The following FAM178B variants were observed in gnomAD, a reference collection of about 807,000 sequenced individuals.
The protein encoded by FAM178B is family with sequence similarity 178 member B, also known as protein FAM178B.
FAM178B carries 82 observed loss-of-function variants against 91.7 expected under a neutral mutation model. The observed-to-expected ratio is 0.89, with a 90% CI of 0.75 to 1.07. The LOEUF (loss-of-function observed/expected upper bound fraction) is 1.07, where lower values mean the gene tolerates loss of function less well. Among genes scored for constraint, FAM178B ranks in the 50% least tolerant of loss-of-function variants. FAM178B has a pLI of 0.00. For missense variants in FAM178B, 769 were observed against 846.7 expected, an observed-to-expected ratio of 0.91 and a Z score of 1.14; for synonymous variants, 368 against 359.4, an observed-to-expected ratio of 1.02 and a Z score of -0.27.
In FAM178B at chr2:96,947,909, G is replaced by A. The variant is rs1381846032; in HGVS notation, c.994-7C>T. 6.6e-7 allele frequency: 1 copy of A among 1,508,048 alleles called. No homozygotes were observed. The highest frequency in any genetic ancestry group is 1.4e-5 in the African/African-American group (1 of 69,030). The allele number at this position is 1,508,048 out of a possible 1,614,324, so 93.4% of individuals were successfully genotyped here. On this transcript the variant is annotated splice_polypyrimidine_tract_variant and splice_region_variant and intron_variant, in intron 7 of 16. Coordinates refer to ENST00000490605, the MANE Select transcript of FAM178B (RefSeq NM_001122646.3). Reference sequence around the variant, plus strand: ...CTGGAGGCCATGTCAGCAGCTAGGTGGAAAAAAAAAACAAAAACAAAAACC... The same window carrying A: ...CTGGAGGCCATGTCAGCAGCTAGGTAGAAAAAAAAAACAAAAACAAAAACC...
intron 5 of FAM178B, among the ~76,000 whole-genome samples, chr2:96,960,986 C>T (rs1373387567): frequency 6.6e-6 from 1 of 152,124 alleles, no homozygotes; most frequent in Non-Finnish European, 1.5e-5. Flanking sequence ...GCCTGATTCT[C>T]TCTCAGGGCC....
rs772596939 is a variant in FAM178B at position 96,960,432 on chromosome 2, A to G, written c.743T>C (p.Val248Ala). The G allele has an allele frequency of 1.3e-6, 2 of 1,542,438 alleles. No individual in the cohort carries two copies. Among genetic ancestry groups the G allele is most frequent in the African/African-American group, 2.7e-5 (2 of 72,834 alleles). Residue 248 changes from valine to alanine, a missense_variant, in exon 6 of 17, where the codon GTG becomes GCG. By Grantham distance (64) the Val-to-Ala change is moderately conservative (BLOSUM62 0). Coordinates refer to ENST00000490605, the MANE Select transcript of FAM178B (RefSeq NM_001122646.3). Reference sequence around the variant, plus strand: ...CTGCAGGGACACTGAGTACTTTTCCACCAGCATCCTGGCAAGGCAAGGGGC... The same window carrying G: ...CTGCAGGGACACTGAGTACTTTTCCGCCAGCATCCTGGCAAGGCAAGGGGC... ...VPLTPEHRMLVEKYSVSLQTI... is the reference protein window; with the variant it reads ...VPLTPEHRMLAEKYSVSLQTI...
intron 14 of FAM178B, among the ~76,000 whole-genome samples, chr2:96,891,815 C>T (rs1464113063): frequency 6.6e-6 from 1 of 152,188 alleles, no homozygotes; most frequent in Admixed American, 6.5e-5. Context: ...ATCTCCCAGA[C>T]AGGAGTGAGA....
chr2:96,920,434 C>T (rs980993724), intron 12 of FAM178B, among the ~76,000 whole-genome samples: 3 of 151,990 alleles, frequency 2.0e-5, no homozygotes, highest in African/African-American at 4.8e-5. Context: ...ACCCTGTCTC[C>T]ACTAAAAATA....
intron 8 of FAM178B, among the ~76,000 whole-genome samples, chr2:96,935,956 C>G (rs35836525): frequency 0.022 from 3,390 of 151,150 alleles, 59 homozygotes; most frequent in Non-Finnish European, 0.036. Flanking sequence ...ATCCATAGAA[C>G]TGCACAACAC....
chr2:96,934,581 C>A (rs778937146), intron 8 of FAM178B, among the ~76,000 whole-genome samples: 1 of 152,174 alleles, frequency 6.6e-6, no homozygotes, highest in African/African-American at 2.4e-5. Context: ...AAAACATGCA[C>A]ATTTTGTTGC....
chr2:96,950,874 TC>T (rs1315368310), intron 7 of FAM178B, among the ~76,000 whole-genome samples: 1 of 152,012 alleles, frequency 6.6e-6, no homozygotes, highest in Non-Finnish European at 1.5e-5. Context: ...CACCCTCGGC[TC>T]CAAATTCACG....
At chr2:96,887,268 A>G (rs1334755315) in intron 14 of FAM178B, among the ~76,000 whole-genome samples, 1 of 152,152 alleles carries the variant, frequency 6.6e-6, no homozygotes, top group African/African-American at 2.4e-5. Flanking sequence ...AGGTCTCGCT[A>G]TGTTGTGCAG....
rs2081057645 is a variant in FAM178B at position 96,906,456 on chromosome 2, C to T, written c.1563-3749G>A. On this transcript the variant is annotated intron_variant, in intron 12 of 16. Transcript: ENST00000490605. ...GAGGGACCAACCATTCCCCTCCATG[C>T]CTGACTGTGAAGGCCTGATGTGAAC... Among the ~76,000 whole-genome samples the T allele has an allele frequency of 3.3e-5, 5 of 152,158 alleles. No homozygotes were observed. The South Asian group carries it at 1.0e-3, about 31-fold the overall frequency.
rs559361089 is a variant in FAM178B at position 96,968,421 on chromosome 2, G to A, written c.627-794C>T. ...CCAACACAGCCTTCCTTGTCCTTGC[G>A]CCCAGGCTGTGGAGAGAGCCCTGGG... is the stretch of plus-strand genomic sequence containing the variant. On this transcript the variant is annotated intron_variant, in intron 4 of 16. Coordinates refer to ENST00000490605, the MANE Select transcript of FAM178B (RefSeq NM_001122646.3). Among the ~76,000 whole-genome samples, 20 of 151,580 alleles carry A rather than the reference G, an allele frequency of 1.3e-4. No homozygotes were observed. In the East Asian group the frequency reaches 3.5e-3, roughly 27 times the overall value.
intron 12 of FAM178B, among the ~76,000 whole-genome samples, chr2:96,913,114 G>T (rs560589087): frequency 1.2e-4 from 18 of 152,346 alleles, no homozygotes; most frequent in African/African-American, 4.1e-4. Context: ...GATGACTGCA[G>T]AAGGTTTTGG....
rs1340118456 is a variant in FAM178B at position 96,972,274 on chromosome 2, T to C, written c.191A>G (p.Asp64Gly). The change falls in exon 3 of 17, where the codon GAT becomes GGT. Residue 64 changes from aspartate (D) to glycine (G), a missense_variant. Asp to Gly is a moderately conservative substitution (Grantham distance 94). Coordinates refer to ENST00000490605, the MANE Select transcript of FAM178B (RefSeq NM_001122646.3). ...GTCCAGGGGATGGTCTGACAAGCCA[T>C]CCTCCAGGTTGTACAGGAGGATGGG... ...TVPILLYNLE[D>G]GLSDHPLDQG... The C allele has an allele frequency of 1.3e-6, 2 of 1,494,002 alleles. No homozygotes were observed. Among genetic ancestry groups the C allele is most frequent in the East Asian group, 2.5e-5 (1 of 40,586 alleles). 92.5% of individuals were successfully genotyped at this position (1,494,002 alleles called of 1,614,324 possible).
Position 96,929,291 on chromosome 2 carries a change from G to C in FAM178B, c.1108C>G (p.Leu370Val). ...TGGAATGCCTCCCTGACTTCTTGCA[G>C]TGAGGGGCACCACAGGTGCTTGTCT... Reference protein sequence around the residue: ...DEDKHLWCPSLQEVREAFHSL... With the variant: ...DEDKHLWCPSVQEVREAFHSL... Residue 370 changes from leucine to valine, a missense_variant, in exon 9 of 17, where the codon CTG becomes GTG. Leu to Val is a conservative substitution (Grantham distance 32, BLOSUM62 1). Coordinates refer to ENST00000490605, the MANE Select transcript of FAM178B (RefSeq NM_001122646.3). 1 of 1,551,614 alleles carries C rather than the reference G, an allele frequency of 6.4e-7. No individual in the cohort carries two copies. The highest frequency in any genetic ancestry group is 8.7e-7 in the Non-Finnish European group (1 of 1,146,900).
At chr2:96,886,432 T>G (rs1449473461) in intron 14 of FAM178B, among the ~76,000 whole-genome samples, 1 of 152,154 alleles carries the variant, frequency 6.6e-6, no homozygotes, top group Non-Finnish European at 1.5e-5. Flanking sequence ...GGTAGAGTGT[T>G]AGGTTAGAAG....
intron 15 of FAM178B, among the ~76,000 whole-genome samples, 158 bp from the exon 16 acceptor site, chr2:96,878,200 T>C (rs2080294139): frequency 6.6e-6 from 1 of 152,190 alleles, no homozygotes; most frequent in Admixed American, 6.5e-5. Flanking sequence ...GCACAACTGT[T>C]GGGGCTCGGG....
At chr2:96,879,075 T>C (rs929065283) in intron 14 of FAM178B, among the ~76,000 whole-genome samples, 2 of 152,228 alleles carry the variant, frequency 1.3e-5, no homozygotes, top group African/African-American at 4.8e-5. Flanking sequence ...CAATTTGATC[T>C]TGAGGCACCC....
chr2:96,981,800 C>T (rs976014930), intron 1 of FAM178B, among the ~76,000 whole-genome samples: 3 of 149,942 alleles, frequency 2.0e-5, no homozygotes, highest in African/African-American at 7.4e-5. Context: ...GGCACAGGGG[C>T]TCACACCTGT....
chr2:96,967,413 T>C (rs1052219319), intron 5 of FAM178B, 107 bp downstream of exon 5: 25 of 647,534 alleles, frequency 3.9e-5, no homozygotes, highest in Admixed American at 3.3e-4. Context: ...TCACAAATAG[T>C]ACACAAATCA....
At chr2:96,965,836 G>A (rs1204121813) in intron 5 of FAM178B, among the ~76,000 whole-genome samples, 3 of 152,020 alleles carry the variant, frequency 2.0e-5, no homozygotes, top group African/African-American at 7.3e-5. Context: ...GGTCCCTTTT[G>A]AGTCCTCTCT....
Sources: gnomAD v4.1 joint callset for allele counts (sites outside exome capture counted in the v4.1 genomes callset) on GRCh38, gnomAD v4.1.1 for gene constraint, MANE v1.5 for transcripts, NCBI Gene and HGNC (gene_info 2026-07-23, HGNC 2026-07-21) for gene names.